UTRN: variants seen among roughly 807,000 people sequenced by gnomAD.
UTRN encodes the protein utrophin.
UTRN carries 283 observed loss-of-function variants against 463.9 expected under a neutral mutation model. That is an observed-to-expected ratio of 0.61 (90% CI 0.55 to 0.67). UTRN has a LOEUF of 0.67. UTRN is among the 30% of genes least tolerant of loss of function. UTRN has a pLI of 0.00. For synonymous variants in UTRN, 1,442 were observed against 1,431.5 expected (o/e 1.01, Z -0.17); for missense variants, 3,922 against 4,084.3 (o/e 0.96, Z 1.08).
chr6:144,632,723 CTT>C (rs34600667), intron 51 of UTRN, among the ~76,000 whole-genome samples: 26 of 142,182 alleles, frequency 1.8e-4, no homozygotes, highest in South Asian at 4.4e-4. Flanking sequence ...TAAACTTTTA[CTT>C]TTTTTTTTTT....
chr6:144,391,100 CT>C (rs1781878572), intron 2 of UTRN, among the ~76,000 whole-genome samples: 1 of 151,228 alleles, frequency 6.6e-6, no homozygotes, highest in Non-Finnish European at 1.5e-5. Flanking sequence ...GACACAAGGT[CT>C]TGCTCAGTCA....
chr6:144,761,446 G>T (rs181111258), intron 58 of UTRN, among the ~76,000 whole-genome samples: 1 of 151,944 alleles, frequency 6.6e-6, no homozygotes, highest in East Asian at 1.9e-4. Flanking sequence ...CTTGCCCCCA[G>T]GAGTTCAAGA....
In UTRN at chr6:144,836,421, A is replaced by T. The variant is rs1311074133; in HGVS notation, c.9945A>T (p.Ile3315=). ...ACACGTCTGAGGATTCAGAACTTAT[A>T]GCAGAAGCAAAACTCCTCAGGCAGC... ...PHHTSEDSEL[I]AEAKLLRQHK... Residue 3315 remains isoleucine (I), a synonymous_variant, in exon 71 of 75, where the codon ATA becomes ATT. Transcript: ENST00000367545. The T allele has an allele frequency of 1.9e-6, 3 of 1,613,960 alleles. No homozygotes were observed. The highest frequency in any genetic ancestry group is 2.7e-5 in the African/African-American group (2 of 74,904).
chr6:144,804,131 G>A (rs1393161101), intron 65 of UTRN, among the ~76,000 whole-genome samples: 1 of 151,958 alleles, frequency 6.6e-6, no homozygotes, highest in African/African-American at 2.4e-5. Flanking sequence ...TTTGGTTTAG[G>A]GAATTGAGTT....
chr6:144,652,445 C>G (rs1778912884), intron 51 of UTRN, among the ~76,000 whole-genome samples: 1 of 152,228 alleles, frequency 6.6e-6, no homozygotes. Flanking sequence ...ATTGCAGCAT[C>G]TCTTTAGACA....
intron 51 of UTRN, among the ~76,000 whole-genome samples, chr6:144,627,093 A>C (rs776602778): frequency 3.4e-5 from 5 of 148,592 alleles, no homozygotes; most frequent in Non-Finnish European, 5.9e-5. Flanking sequence ...GTGTGTGTGC[A>C]CTACGCGGCA....
At chr6:144,333,712 T>A (rs973140386) in intron 2 of UTRN, among the ~76,000 whole-genome samples, 28 of 152,222 alleles carry the variant, frequency 1.8e-4, no homozygotes, top group Admixed American at 3.3e-4. Flanking sequence ...TCTCCTGATG[T>A]GTTCATCAAC....
intron 2 of UTRN, among the ~76,000 whole-genome samples, chr6:144,299,323 T>G (rs1218705629): frequency 6.6e-6 from 1 of 152,224 alleles, no homozygotes; most frequent in East Asian, 1.9e-4. Context: ...AGAACCAAAG[T>G]GAAAATGATC....
chr6:144,503,864 T>G (rs1368244189), intron 34 of UTRN, among the ~76,000 whole-genome samples: 1 of 152,222 alleles, frequency 6.6e-6, no homozygotes, highest in African/African-American at 2.4e-5. Flanking sequence ...GTATTGATTC[T>G]TCCTATCCAC....
At chr6:144,789,132 C>G in intron 61 of UTRN, 62 bp from the exon 62 acceptor site, 2 of 1,292,078 alleles carry the variant, frequency 1.5e-6, no homozygotes. Flanking sequence ...TATTCAGAAA[C>G]AATGAACATG....
chr6:144,709,027 T>C lies in UTRN; in HGVS notation c.7809+8784T>C, dbSNP rs191977251. Among the ~76,000 whole-genome samples, 269 of 152,300 alleles carry C rather than the reference T, an allele frequency of 1.8e-3. 2 individuals carry two copies. The highest frequency in any genetic ancestry group is 3.2e-4 in the Non-Finnish European group (22 of 68,018). ...CCACTGTGATAATGACATTAGTCCATTCATGAAGGTCAAACCCTCATGACC... is the reference window on the plus strand; with the variant it reads ...CCACTGTGATAATGACATTAGTCCACTCATGAAGGTCAAACCCTCATGACC... On this transcript the variant is annotated intron_variant, in intron 53 of 74. Transcript: ENST00000367545.
chr6:144,715,404 A>G (rs1786293155), intron 53 of UTRN, among the ~76,000 whole-genome samples: 1 of 152,120 alleles, frequency 6.6e-6, no homozygotes, highest in South Asian at 2.1e-4. Flanking sequence ...AAAATAAATC[A>G]AACTCTGTAG....
intron 51 of UTRN, among the ~76,000 whole-genome samples, chr6:144,589,005 G>GT (rs1802745800): frequency 6.6e-6 from 1 of 152,158 alleles, no homozygotes; most frequent in Non-Finnish European, 1.5e-5. Context: ...AGTTTGTTCA[G>GT]TTCTGTGGAA....
chr6:144,666,862 C>G (rs1431005485), intron 51 of UTRN, among the ~76,000 whole-genome samples: 1 of 152,146 alleles, frequency 6.6e-6, no homozygotes, highest in Non-Finnish European at 1.5e-5. Flanking sequence ...CATTCCCATT[C>G]GTCGTGGTAG....
chr6:144,395,798 G>A (rs1782353335), intron 2 of UTRN, among the ~76,000 whole-genome samples: 1 of 152,114 alleles, frequency 6.6e-6, no homozygotes, highest in African/African-American at 2.4e-5. Flanking sequence ...TCTAAGTTTG[G>A]GGGTTTTGTT....
intron 69 of UTRN, among the ~76,000 whole-genome samples, chr6:144,833,183 G>A (rs560556904): frequency 1.3e-5 from 2 of 152,210 alleles, no homozygotes; most frequent in South Asian, 4.2e-4. Context: ...TAACACCTGA[G>A]ATTACCATCT....
intron 50 of UTRN, among the ~76,000 whole-genome samples, chr6:144,572,868 G>A (rs763550660): frequency 1.1e-4 from 16 of 152,162 alleles, no homozygotes; most frequent in Non-Finnish European, 2.9e-5. Flanking sequence ...ACATGTGCAT[G>A]TGTCTTTATA....
chr6:144,294,378 A>C (rs1490374782), intron 2 of UTRN, among the ~76,000 whole-genome samples: 1 of 152,214 alleles, frequency 6.6e-6, no homozygotes, highest in Non-Finnish European at 1.5e-5. Context: ...AATGCTTACT[A>C]TACAGAGGTA....
chr6:144,320,732 C>A (rs1388323432), intron 2 of UTRN, among the ~76,000 whole-genome samples: 2 of 152,204 alleles, frequency 1.3e-5, no homozygotes, highest in Non-Finnish European at 1.5e-5. Flanking sequence ...TAGTGCACCA[C>A]TCACTCGATT....
Sources: gnomAD v4.1 joint callset for allele counts (sites outside exome capture counted in the v4.1 genomes callset) on GRCh38, gnomAD v4.1.1 for gene constraint, MANE v1.5 for transcripts, NCBI Gene and HGNC (gene_info 2026-07-23, HGNC 2026-07-21) for gene names.